Variants in RAI14 observed in about 807,000 individuals in gnomAD.
RAI14 encodes the protein ankycorbin.
RAI14 carries 45 observed loss-of-function variants against 115.4 expected under a neutral mutation model. The ratio of observed to expected loss-of-function variants is 0.39; its 90% CI spans 0.31 to 0.50. The LOEUF is 0.50. Ranked by LOEUF, RAI14 falls within the 20% of genes least tolerant of loss-of-function variation. The pLI is 0.85. For missense variants in RAI14, 939 were observed against 1,131.2 expected, an observed-to-expected ratio of 0.83 and a Z score of 2.44; for synonymous variants, 371 against 415.4, an observed-to-expected ratio of 0.89 and a Z score of 1.30.
In RAI14 at chr5:34,795,963, A is replaced by G. The variant is rs568417241; in HGVS notation, c.192A>G (p.Gly64=). 8.1e-6 allele frequency: 13 copies of G among 1,613,382 alleles called. No individual in the cohort carries two copies. In the South Asian group the frequency reaches 1.4e-4, roughly 18 times the overall value. The change falls in exon 4 of 18, where the codon GGA becomes GGG. Residue 64 remains glycine (G), a synonymous_variant. Coordinates refer to ENST00000265109, the MANE Select transcript of RAI14 (RefSeq NM_015577.3). ...KTAFHLAAAK[G]HVECLRVMIT... is the part of the protein sequence containing the mutation. ...GTTTCCATCTTGCTGCTGCAAAAGG[A>G]CACGTGGAATGCCTCAGGGTCATGA...
intron 3 of RAI14, among the ~76,000 whole-genome samples, chr5:34,759,485 A>G (rs1748338102): frequency 6.6e-6 from 1 of 152,192 alleles, no homozygotes; most frequent in African/African-American, 2.4e-5. Context: ...CAGTGGCAAC[A>G]TTAGATTCTC....
chr5:34,751,948 A>G (rs1455872015), intron 2 of RAI14, among the ~76,000 whole-genome samples: 5 of 152,212 alleles, frequency 3.3e-5, no homozygotes, highest in Non-Finnish European at 2.9e-5. Flanking sequence ...AGTTAGCAAT[A>G]AAAATCAAAG....
chr5:34,674,067 C>G (rs1743804370), intron 1 of RAI14, among the ~76,000 whole-genome samples: 1 of 151,940 alleles, frequency 6.6e-6, no homozygotes, highest in East Asian at 1.9e-4. Context: ...AATGGGAGGC[C>G]TACCTTCATG....
intron 3 of RAI14, among the ~76,000 whole-genome samples, chr5:34,789,939 G>A (rs1033706544): frequency 6.6e-6 from 1 of 152,142 alleles, no homozygotes; most frequent in Non-Finnish European, 1.5e-5. Flanking sequence ...CCTGCTTCTT[G>A]TTATACTTTA....
intron 2 of RAI14, among the ~76,000 whole-genome samples, chr5:34,700,212 C>T (rs548703447): frequency 6.6e-6 from 1 of 152,180 alleles, no homozygotes; most frequent in South Asian, 2.1e-4. Context: ...CACAGTTTTC[C>T]CCTGGGTGGT....
At chr5:34,673,845 G>C (rs977713213) in intron 1 of RAI14, among the ~76,000 whole-genome samples, 2 of 152,148 alleles carry the variant, frequency 1.3e-5, no homozygotes, top group African/African-American at 4.8e-5. Flanking sequence ...CACCCAGAGA[G>C]GAAGGTCTAC....
At chr5:34,754,608 G>A (rs1747645856) in intron 2 of RAI14, among the ~76,000 whole-genome samples, 1 of 152,086 alleles carries the variant, frequency 6.6e-6, no homozygotes, top group African/African-American at 2.4e-5. Context: ...TGGTGTTGTG[G>A]ATTATTTATT....
At chr5:34,768,882 G>T (rs1238008528) in intron 3 of RAI14, among the ~76,000 whole-genome samples, 2 of 150,962 alleles carry the variant, frequency 1.3e-5, no homozygotes, top group Non-Finnish European at 3.0e-5. Context: ...CCAGCTACTC[G>T]AGAGGCTGAG....
intron 13 of RAI14, among the ~76,000 whole-genome samples, chr5:34,819,564 C>T (rs1183578059): frequency 6.6e-6 from 1 of 152,154 alleles, no homozygotes; most frequent in Admixed American, 6.5e-5. Context: ...GGGTTTAATT[C>T]ATTGTGTCTC....
In RAI14 at chr5:34,742,083, C is replaced by T. The variant is rs548955492; in HGVS notation, c.37-15385C>T. On this transcript the variant is annotated intron_variant, in intron 2 of 17. Transcript: ENST00000265109. ...AAGTCAATGCCAGGGAAACGAGAGA[C>T]GTGGCGCTGACAGTCTTTGATGAGT... is the stretch of plus-strand genomic sequence containing the variant. Among the ~76,000 whole-genome samples the T allele has an allele frequency of 4.6e-5, 7 of 152,230 alleles. No homozygotes were observed. In the South Asian group the frequency reaches 8.3e-4, roughly 18 times the overall value.
intron 5 of RAI14, among the ~76,000 whole-genome samples, chr5:34,804,439 T>C (rs956070594): frequency 2.0e-5 from 3 of 152,230 alleles, no homozygotes; most frequent in Admixed American, 1.3e-4. Context: ...AAATGCAAAC[T>C]GGCTGTTTTC....
At chr5:34,815,434 G>C (rs564661309) in intron 12 of RAI14, among the ~76,000 whole-genome samples, 1 of 152,030 alleles carries the variant, frequency 6.6e-6, no homozygotes, top group African/African-American at 2.4e-5. Context: ...CTGGTGGCAG[G>C]CACCTGTAGT....
intron 2 of RAI14, among the ~76,000 whole-genome samples, chr5:34,710,328 A>G (rs184295263): frequency 2.6e-5 from 4 of 152,226 alleles, no homozygotes; most frequent in Admixed American, 6.5e-5. Flanking sequence ...CTCTGTCCTT[A>G]CATGGTCATC....
At chr5:34,658,615 AC>A (rs1742458827) in intron 1 of RAI14, among the ~76,000 whole-genome samples, 1 of 151,852 alleles carries the variant, frequency 6.6e-6, no homozygotes, top group South Asian at 2.1e-4. Context: ...ACACAGTGAA[AC>A]CCCGTCTCTA....
intron 2 of RAI14, among the ~76,000 whole-genome samples, chr5:34,719,304 T>G (rs1742369829): frequency 6.6e-6 from 1 of 152,120 alleles, no homozygotes; most frequent in Non-Finnish European, 1.5e-5. Context: ...AAAGGAAACA[T>G]CCTGAGAGAG....
At position 34,823,457 on chromosome 5, in the gene RAI14, C is replaced by G. The variant is rs1757124334; in HGVS notation, c.1615C>G (p.Leu539Val). ...GGAAATAAATGTGCTAAAGCAGGAT[C>G]TGCAGAATGCATTAGAAGAAAGTGA... is the stretch of plus-strand genomic sequence containing the variant. ...EEEINVLKQD[L>V]QNALEESERN... Residue 539 changes from leucine (L) to valine (V), a missense_variant, in exon 15 of 18, where the codon CTG becomes GTG. Leu to Val is a conservative substitution (Grantham distance 32). Coordinates refer to ENST00000265109, the MANE Select transcript of RAI14 (RefSeq NM_015577.3). This position sits in a 1 kb window ranked among gnomAD's most constrained non-coding sequence, Gnocchi z 4.5. 1 of 1,614,040 alleles carries G rather than the reference C, an allele frequency of 6.2e-7. No individual in the cohort carries two copies. Among genetic ancestry groups the G allele is most frequent in the Non-Finnish European group, 8.5e-7 (1 of 1,180,026 alleles).
intron 4 of RAI14, among the ~76,000 whole-genome samples, chr5:34,799,761 C>T (rs1218897510): frequency 6.7e-6 from 1 of 148,182 alleles, no homozygotes; most frequent in East Asian, 2.0e-4. Flanking sequence ...GATCTCGGCT[C>T]ACTGCAAGCT....
At chr5:34,821,042 T>A (rs1756771633) in intron 13 of RAI14, among the ~76,000 whole-genome samples, 1 of 152,178 alleles carries the variant, frequency 6.6e-6, no homozygotes, top group Admixed American at 6.5e-5. Context: ...ATGGGAACCA[T>A]GAATCTGAGG....
chr5:34,739,245 G>A (rs953027934), intron 2 of RAI14, among the ~76,000 whole-genome samples: 1 of 152,140 alleles, frequency 6.6e-6, no homozygotes, highest in African/African-American at 2.4e-5. Flanking sequence ...CCCTCTGATA[G>A]AGGCTACTCT....
Sources: allele counts gnomAD v4.1 joint callset (sites outside exome capture counted in the v4.1 genomes callset), GRCh38; gene constraint gnomAD v4.1.1; non-coding constraint Gnocchi (gnomAD v3.1); transcripts MANE v1.5; gene names NCBI Gene and HGNC (gene_info 2026-07-23, HGNC 2026-07-21).